The following RBFOX1 variants were observed in gnomAD, a reference collection of about 807,000 sequenced individuals.
RBFOX1 encodes the protein RNA binding protein fox-1 homolog 1.
RBFOX1 carries 8 observed loss-of-function variants against 57.7 expected under a neutral mutation model. That is an observed-to-expected ratio of 0.14 (90% CI 0.08 to 0.25). RBFOX1 has a LOEUF of 0.25. Ranked by LOEUF, RBFOX1 falls within the 10% of genes least tolerant of loss-of-function variation. RBFOX1 has a pLI of 1.00. For synonymous variants in RBFOX1, 326 were observed against 222.4 expected (o/e 1.47, Z -4.15); for missense variants, 611 against 548.5 (o/e 1.11, Z -1.14).
intron 2 of RBFOX1, among the ~76,000 whole-genome samples, chr16:5,521,134 A>C (rs890395034): frequency 2.0e-5 from 3 of 152,190 alleles, no homozygotes; most frequent in African/African-American, 7.2e-5. Context: ...GGGTGGTTGC[A>C]GTCTGGCTTT....
intron 3 of RBFOX1, among the ~76,000 whole-genome samples, chr16:5,859,405 G>A (rs1039364933): frequency 6.6e-6 from 1 of 152,168 alleles, no homozygotes; most frequent in African/African-American, 2.4e-5. Flanking sequence ...ACATAAAACA[G>A]CAAGAAAGAT....
At chr16:5,387,246 A>G (rs997769978) in intron 1 of RBFOX1, among the ~76,000 whole-genome samples, 1 of 152,162 alleles carries the variant, frequency 6.6e-6, no homozygotes, top group African/African-American at 2.4e-5. Flanking sequence ...TAAGTAAGGC[A>G]GTGTTCTCAT....
chr16:5,577,235 A>G (rs1284660823), intron 2 of RBFOX1, among the ~76,000 whole-genome samples: 1 of 152,190 alleles, frequency 6.6e-6, no homozygotes. Context: ...GCAACGATCT[A>G]AGAACAAGCA....
intron 4 of RBFOX1, among the ~76,000 whole-genome samples, chr16:7,218,648 G>C (rs1272186185): frequency 1.6e-4 from 24 of 149,402 alleles, no homozygotes; most frequent in Admixed American, 6.7e-4. Context: ...GTGTGTGTGT[G>C]TGTGTGTGTG....
rs372228076 is a variant in RBFOX1, at chr16:5,728,831, G to C, written c.318+129870G>C. ...TTCTTCCCTCCCCACCTCCAGCAAAGTTCCAAGATCACCTTTAAGTCTGCC... is the reference window on the plus strand; with the variant it reads ...TTCTTCCCTCCCCACCTCCAGCAAACTTCCAAGATCACCTTTAAGTCTGCC... On this transcript the variant is annotated intron_variant, in intron 3 of 19. Coordinates refer to the RBFOX1 transcript ENST00000641259. Among the ~76,000 whole-genome samples the C allele has an allele frequency of 2.0e-4, 31 of 152,198 alleles. No homozygotes were observed. The East Asian group carries it at 5.2e-3, about 26-fold the overall frequency.
intron 2 of RBFOX1, among the ~76,000 whole-genome samples, chr16:6,518,967 G>C (rs769377527): frequency 1.3e-5 from 2 of 151,964 alleles, no homozygotes; most frequent in East Asian, 3.9e-4. Flanking sequence ...CCACCACCTA[G>C]TGGGGCCAGA....
At chr16:5,994,613 T>A (rs1297046818) in intron 4 of RBFOX1, among the ~76,000 whole-genome samples, 1 of 152,128 alleles carries the variant, frequency 6.6e-6, no homozygotes, top group African/African-American at 2.4e-5. Context: ...TCCTACAGTC[T>A]CCATTGCAGC....
intron 3 of RBFOX1, among the ~76,000 whole-genome samples, chr16:5,650,889 C>T (rs1048274543): frequency 2.0e-5 from 3 of 150,870 alleles, no homozygotes; most frequent in Admixed American, 6.6e-5. Flanking sequence ...CAGGGAACAC[C>T]TTCCTGTCTC....
Position 6,975,425 on chromosome 16 carries a change from C to T in RBFOX1, c.-15-76632C>T, listed in dbSNP as rs549429033. On this transcript the variant is annotated intron_variant, in intron 3 of 15. Coordinates refer to ENST00000550418, the MANE Select transcript of RBFOX1 (RefSeq NM_018723.4). ...GCGTTACAGGCACATACCACCATAC[C>T]CAGTTAATTTCTGTATTTTTTAGTG... is the stretch of plus-strand genomic sequence containing the variant. Among the ~76,000 whole-genome samples, 21 of 152,202 alleles carry T rather than the reference C, an allele frequency of 1.4e-4. 1 individual carries two copies. In the South Asian group the frequency reaches 2.7e-3, roughly 20 times the overall value.
chr16:6,360,169 G>A (rs867410677), intron 2 of RBFOX1, among the ~76,000 whole-genome samples: 4 of 151,858 alleles, frequency 2.6e-5, no homozygotes, highest in African/African-American at 9.7e-5. Flanking sequence ...ATTTCAGCCT[G>A]TACCTTGTAA....
Position 6,760,925 on chromosome 16 carries a change from A to G in RBFOX1, c.-16+106275A>G, listed in dbSNP as rs78215578. Among the ~76,000 whole-genome samples the G allele has an allele frequency of 4.4e-3, 663 of 152,316 alleles. 6 individuals carry two copies. The highest frequency in any genetic ancestry group is 0.015 in the African/African-American group (627 of 41,576). The stretch of plus-strand genomic sequence containing the variant: ...ATCTTCCTAGCACTGCGTCTGGTCA[A>G]TGCCACCCATCAGGATCGGACTGTA... On this transcript the variant is annotated intron_variant, in intron 3 of 15. Transcript: ENST00000550418.
intron 2 of RBFOX1, among the ~76,000 whole-genome samples, chr16:6,589,969 A>G (rs1432849126): frequency 6.6e-6 from 1 of 152,150 alleles, no homozygotes; most frequent in Non-Finnish European, 1.5e-5. Context: ...TAATGACCAC[A>G]ATTTCCAGTC....
intron 2 of RBFOX1, among the ~76,000 whole-genome samples, chr16:6,576,629 G>A (rs1325061272): frequency 6.8e-6 from 1 of 148,068 alleles, no homozygotes; most frequent in African/African-American, 2.5e-5. Flanking sequence ...AACAGCTAAT[G>A]GGGGGTTGTT....
chr16:5,831,295 A>G (rs1393007835), intron 3 of RBFOX1, among the ~76,000 whole-genome samples: 5 of 151,862 alleles, frequency 3.3e-5, no homozygotes, highest in African/African-American at 9.7e-5. Context: ...CTGGTTTTTC[A>G]AAAGTGTGTG....
chr16:5,651,890 C>T (rs889863004), intron 3 of RBFOX1, among the ~76,000 whole-genome samples: 1 of 152,066 alleles, frequency 6.6e-6, no homozygotes, highest in African/African-American at 2.4e-5. Flanking sequence ...TCCCAGCATT[C>T]GGAAGGCCAA....
intron 4 of RBFOX1, among the ~76,000 whole-genome samples, chr16:7,065,163 A>G (rs1322855375): frequency 6.6e-6 from 1 of 152,244 alleles, no homozygotes; most frequent in Non-Finnish European, 1.5e-5. Flanking sequence ...TAAATGAGCA[A>G]GCAACTGGTG....
chr16:6,846,256 A>G (rs981497925), intron 3 of RBFOX1, among the ~76,000 whole-genome samples: 3 of 152,128 alleles, frequency 2.0e-5, no homozygotes, highest in East Asian at 1.9e-4. Context: ...ACCTCCTATT[A>G]CGTGAATTGG....
intron 10 of RBFOX1, among the ~76,000 whole-genome samples, chr16:7,620,455 C>T (rs888665379): frequency 1.3e-5 from 2 of 152,198 alleles, no homozygotes; most frequent in Non-Finnish European, 2.9e-5. Context: ...TTCTCCTCTG[C>T]ATTTGCCTCC....
chr16:7,375,940 G>A (rs1395353224), intron 4 of RBFOX1, among the ~76,000 whole-genome samples: 1 of 152,178 alleles, frequency 6.6e-6, no homozygotes, highest in East Asian at 1.9e-4. Flanking sequence ...AAGTAAAGGG[G>A]AAACCTGGAT....
Sources: allele counts gnomAD v4.1 joint callset (sites outside exome capture counted in the v4.1 genomes callset), GRCh38; gene constraint gnomAD v4.1.1; transcripts MANE v1.5; gene names NCBI Gene and HGNC (gene_info 2026-07-23, HGNC 2026-07-21).